SLC25A16: variants seen among roughly 807,000 people sequenced by gnomAD.
SLC25A16 encodes solute carrier family 25 member 16.
In SLC25A16, 39 loss-of-function variants were observed where a neutral mutation model predicts 41.5. The observed-to-expected ratio is 0.94, with a 90% CI of 0.73 to 1.23. The LOEUF is 1.23. Ranked by LOEUF, SLC25A16 falls within the 50% of genes most tolerant of loss-of-function variation. SLC25A16 has a pLI of 0.00. For synonymous variants in SLC25A16, 146 were observed against 147.8 expected (o/e 0.99, Z 0.09); for missense variants, 421 against 426.9 (o/e 0.99, Z 0.12).
Position 68,516,791 on chromosome 10 carries a change from C to T in SLC25A16, c.183G>A (p.Lys61=), listed in dbSNP as rs745903058. The part of the protein sequence containing the change: ...KTTVAPLDRV[K]VLLQAHNHHY... ...GGTGATTGTGAGCTTGTAATAAAAC[C>T]TTTACTCGATCCAATGGAGCAACTG... is the stretch of plus-strand genomic sequence containing the variant. Residue 61 remains lysine (K), a synonymous_variant, in exon 2 of 9, where the codon AAG becomes AAA. Transcript: ENST00000609923. 3.1e-6 allele frequency: 5 copies of T among 1,612,872 alleles called. No homozygotes were observed. The highest frequency in any genetic ancestry group is 4.2e-6 in the Non-Finnish European group (5 of 1,179,450).
rs1204181187 is a variant in SLC25A16, at chr10:68,483,436, T to A, written c.995A>T (p.Asn332Ile). Residue 332 changes from asparagine to isoleucine, a missense_variant, in exon 9 of 9, where the codon AAC becomes ATC. Physicochemically the swap from Asn to Ile is moderately radical, Grantham distance 149. Coordinates refer to ENST00000609923, the MANE Select transcript of SLC25A16 (RefSeq NM_152707.4). ...AAAACCAACCATAATTTTTTTTTAG[T>A]TGAGGTGAAAAAACTGCTTCATAAG... is the stretch of plus-strand genomic sequence containing the variant. ...YELMKQFFHLN is the reference protein window; with the variant it reads ...YELMKQFFHLI 1 of 1,577,438 alleles carries A rather than the reference T, an allele frequency of 6.3e-7. No individual in the cohort carries two copies.
At chr10:68,493,292 T>G in intron 5 of SLC25A16, 94 bp from the exon 6 acceptor site, 2 of 1,136,632 alleles carry the variant, frequency 1.8e-6, no homozygotes, top group Non-Finnish European at 2.6e-6. Context: ...GAAAAATTAT[T>G]CAGGGATCCA....
chr10:68,517,232 T>C, intron 1 of SLC25A16: 1 of 989,984 alleles, frequency 1.0e-6, no homozygotes, highest in Non-Finnish European at 1.2e-6. Context: ...TTTATCCGAT[T>C]GCCAGGTTCT....
chr10:68,515,001 G>A (rs1193103094), intron 2 of SLC25A16, among the ~76,000 whole-genome samples: 1 of 150,756 alleles, frequency 6.6e-6, no homozygotes, highest in African/African-American at 2.4e-5. Flanking sequence ...GCCTCCCAAA[G>A]TACTGGGAAT....
intron 2 of SLC25A16, among the ~76,000 whole-genome samples, chr10:68,513,995 G>A (rs1366141071): frequency 6.6e-6 from 1 of 152,012 alleles, no homozygotes; most frequent in East Asian, 1.9e-4. Flanking sequence ...TTAGGAGTTC[G>A]AGGCAGCCAA....
chr10:68,520,545 C>G (rs769366837), intron 1 of SLC25A16, among the ~76,000 whole-genome samples: 5 of 151,846 alleles, frequency 3.3e-5, no homozygotes, highest in Non-Finnish European at 5.9e-5. Flanking sequence ...GGCGCAGTGG[C>G]CCACACCTGT....
At position 68,493,563 on chromosome 10, in the gene SLC25A16, T is replaced by G. The variant is rs1249715687; in HGVS notation, c.429A>C (p.Thr143=). The G allele has an allele frequency of 6.2e-7, 1 of 1,611,976 alleles. No individual in the cohort carries two copies. The highest frequency in any genetic ancestry group is 2.2e-5 in the East Asian group (1 of 44,794). Residue 143 remains threonine, a synonymous_variant, in exon 5 of 9, where the codon ACA becomes ACC. Transcript: ENST00000609923. The part of the protein sequence containing the change: ...RLMAGSMAGM[T]AVICTYPLDM... ...CAAGAGGGTAAGTACAGATAACTGCTGTCATACCTGAAAAGAAAGTAGAAA... is the reference window on the plus strand; with the variant it reads ...CAAGAGGGTAAGTACAGATAACTGCGGTCATACCTGAAAAGAAAGTAGAAA...
intron 6 of SLC25A16, 26 bp downstream of exon 6, chr10:68,493,106 A>T: frequency 7.2e-7 from 1 of 1,387,790 alleles, no homozygotes; most frequent in Non-Finnish European, 1.0e-6. Flanking sequence ...CATGCATATT[A>T]GGATTCTGGC....
In SLC25A16 at chr10:68,527,449, C is replaced by T. The variant is rs1430515973; in HGVS notation, c.-74G>A. ...CGGACGGGACCATAGCCGGAACAGG[C>T]GGTGACAGGAGGCTGACCGCCCCGC... On this transcript the variant is annotated 5_prime_UTR_variant, in exon 1 of 9. Transcript: ENST00000609923. 4 of 1,372,558 alleles carry T rather than the reference C, an allele frequency of 2.9e-6. No homozygotes were observed. Among genetic ancestry groups the T allele is most frequent in the Non-Finnish European group, 3.8e-6 (4 of 1,062,640 alleles). The allele number at this position is 1,372,558 out of a possible 1,614,324, so 85.0% of individuals were successfully genotyped here. A position where few individuals can be genotyped will look rare whatever the true frequency, so the allele number is the denominator to read the frequency against.
chr10:68,514,116 C>G (rs1001284735), intron 2 of SLC25A16, among the ~76,000 whole-genome samples: 2 of 152,022 alleles, frequency 1.3e-5, no homozygotes, highest in African/African-American at 4.8e-5. Context: ...TGGCTTGAAC[C>G]CTGGAGGAGG....
intron 4 of SLC25A16, 106 bp from the exon 5 acceptor site, chr10:68,493,676 A>G (rs941576281): frequency 2.3e-6 from 2 of 887,396 alleles, no homozygotes; most frequent in Non-Finnish European, 3.6e-6. Context: ...TGAAAACCCA[A>G]TAAAATCAAA....
At chr10:68,511,066 G>A (rs917089573) in intron 2 of SLC25A16, among the ~76,000 whole-genome samples, 1 of 151,956 alleles carries the variant, frequency 6.6e-6, no homozygotes. Flanking sequence ...GTGATACCCC[G>A]TCTGTACTAA....
rs1263782014 is a variant in SLC25A16 at position 68,478,351 on chromosome 10, T to C, written c.*5081A>G. On this transcript the variant is annotated 3_prime_UTR_variant, in exon 9 of 9. Coordinates refer to ENST00000609923, the MANE Select transcript of SLC25A16 (RefSeq NM_152707.4). The stretch of plus-strand genomic sequence containing the variant: ...ATTGTTATTATTTATCACCAGTTTC[T>C]AGTGCCCAATACTAGAATGTGTCTG... The C allele has an allele frequency of 6.6e-6, 1 of 152,228 alleles. No individual in the cohort carries two copies. The highest frequency in any genetic ancestry group is 6.5e-5 in the Admixed American group (1 of 15,274). 9.4% of individuals were successfully genotyped at this position (152,228 alleles called of 1,614,324 possible).
chr10:68,513,392 G>C (rs1379550648), intron 2 of SLC25A16, among the ~76,000 whole-genome samples: 1 of 129,470 alleles, frequency 7.7e-6, no homozygotes, highest in East Asian at 2.2e-4. Flanking sequence ...CTGGGCAATA[G>C]AGCAAGACCA....
chr10:68,493,314 A>C lies in SLC25A16; in HGVS notation c.544-116T>G, dbSNP rs1248797715. On this transcript the variant is annotated intron_variant, in intron 5 of 8. Transcript: ENST00000609923. ...TATTCAGGGATCCACCCTGAAACACAAAGATGTGTTTTCGTAATTATTGTT... is the reference window on the plus strand; with the variant it reads ...TATTCAGGGATCCACCCTGAAACACCAAGATGTGTTTTCGTAATTATTGTT... 4 of 1,127,156 alleles carry C rather than the reference A, an allele frequency of 3.5e-6. No homozygotes were observed. In the African/African-American group the frequency reaches 6.2e-5, roughly 18 times the overall value. The allele number at this position is 1,127,156 out of a possible 1,614,324, so 69.8% of individuals were successfully genotyped here. A position where few individuals can be genotyped will look rare whatever the true frequency, so the allele number is the denominator to read the frequency against.
chr10:68,493,375 C>T, intron 5 of SLC25A16, 74 bp downstream of exon 5: 1 of 1,324,012 alleles, frequency 7.6e-7, no homozygotes, highest in Non-Finnish European at 1.1e-6. Context: ...AGAATAATTA[C>T]TTATATGACA....
Position 68,480,521 on chromosome 10 carries a change from G to C in SLC25A16, c.*2911C>G, listed in dbSNP as rs1440115598. On this transcript the variant is annotated 3_prime_UTR_variant, in exon 9 of 9. Transcript: ENST00000609923. Reference sequence around the variant, plus strand: ...TTTTTTTTTTTTTTTTTTTGAGATGGAGTCTTGCTCTGTCGCCCAGGTTAG... The same window carrying C: ...TTTTTTTTTTTTTTTTTTTGAGATGCAGTCTTGCTCTGTCGCCCAGGTTAG... 1 of 129,998 alleles carries C rather than the reference G, an allele frequency of 7.7e-6. No individual in the cohort carries two copies. The highest frequency in any genetic ancestry group is 3.0e-5 in the African/African-American group (1 of 32,966). 8.1% of individuals were successfully genotyped at this position (129,998 alleles called of 1,614,324 possible). A position where few individuals can be genotyped will look rare whatever the true frequency, so the allele number is the denominator to read the frequency against.
intron 2 of SLC25A16, among the ~76,000 whole-genome samples, chr10:68,511,435 T>G (rs1355344760): frequency 6.6e-6 from 1 of 152,166 alleles, no homozygotes; most frequent in East Asian, 1.9e-4. Flanking sequence ...ACCCACGGCA[T>G]GCAGCCCTAT....
intron 1 of SLC25A16, among the ~76,000 whole-genome samples, chr10:68,524,698 A>G (rs1466189009): frequency 7.4e-6 from 1 of 135,514 alleles, no homozygotes; most frequent in Non-Finnish European, 1.5e-5. Context: ...ACATAGTGAG[A>G]CTCCATCTCA....
Sources: allele counts gnomAD v4.1 joint callset (sites outside exome capture counted in the v4.1 genomes callset), GRCh38; gene constraint gnomAD v4.1.1; transcripts MANE v1.5; gene names NCBI Gene and HGNC (gene_info 2026-07-23, HGNC 2026-07-21).